Variants in BTRC observed in about 807,000 individuals in gnomAD.
BTRC encodes F-box/WD repeat-containing protein 1A.
Under a neutral mutation model 85.5 loss-of-function variants are expected in BTRC, and 42 were observed. The ratio of observed to expected loss-of-function variants is 0.49; its 90% CI spans 0.38 to 0.64. The LOEUF is 0.64. BTRC is among the 30% of genes least tolerant of loss of function. BTRC has a pLI of 0.00. For missense variants in BTRC, 594 were observed against 743.5 expected, an observed-to-expected ratio of 0.80 and a Z score of 2.34; for synonymous variants, 255 against 263.3, an observed-to-expected ratio of 0.97 and a Z score of 0.30.
intron 2 of BTRC, among the ~76,000 whole-genome samples, chr10:101,455,983 AACACACAC>A (rs745628596): frequency 3.1e-5 from 3 of 95,996 alleles, no homozygotes; most frequent in African/African-American, 1.4e-4. Flanking sequence ...CTCTACTAAA[AACACACAC>A]ACACACACAC....
chr10:101,538,439 G>A, intron 13 of BTRC, 68 bp downstream of exon 13: 1 of 1,378,286 alleles, frequency 7.3e-7, no homozygotes, highest in East Asian at 2.3e-5. Flanking sequence ...TTGATGTGCT[G>A]TGGAATATGG....
At chr10:101,381,196 A>G (rs1037036114) in intron 1 of BTRC, among the ~76,000 whole-genome samples, 3 of 152,154 alleles carry the variant, frequency 2.0e-5, no homozygotes, top group African/African-American at 7.2e-5. Flanking sequence ...TCTAGACACT[A>G]TATATATTAA....
At chr10:101,450,842 C>T (rs1384378773) in intron 2 of BTRC, among the ~76,000 whole-genome samples, 1 of 152,010 alleles carries the variant, frequency 6.6e-6, no homozygotes, top group Admixed American at 6.6e-5. Context: ...CTGTCTGATC[C>T]CTGATAGTGG....
intron 1 of BTRC, among the ~76,000 whole-genome samples, chr10:101,371,995 A>C (rs757695743): frequency 6.6e-6 from 1 of 152,094 alleles, no homozygotes; most frequent in Non-Finnish European, 1.5e-5. Context: ...CAGCTTATTC[A>C]GCACTATTTA....
intron 4 of BTRC, among the ~76,000 whole-genome samples, chr10:101,506,821 G>A (rs1004596135): frequency 2.0e-5 from 3 of 152,136 alleles, no homozygotes; most frequent in Non-Finnish European, 4.4e-5. Flanking sequence ...GTTAAATTAT[G>A]TAGTTAGTGA....
At chr10:101,512,073 C>T (rs1449678165) in intron 4 of BTRC, among the ~76,000 whole-genome samples, 4 of 152,174 alleles carry the variant, frequency 2.6e-5, no homozygotes, top group African/African-American at 9.7e-5. Flanking sequence ...ACTTTGTATG[C>T]CTGTTCACAG....
At chr10:101,363,861 C>T (rs942126191) in intron 1 of BTRC, among the ~76,000 whole-genome samples, 5 of 152,064 alleles carry the variant, frequency 3.3e-5, no homozygotes, top group East Asian at 1.9e-4. Context: ...TTTAAATTAC[C>T]GATGAAGTGC....
At chr10:101,486,695 T>C (rs1945998813) in intron 4 of BTRC, among the ~76,000 whole-genome samples, 1 of 152,174 alleles carries the variant, frequency 6.6e-6, no homozygotes, top group African/African-American at 2.4e-5. Flanking sequence ...TAGCTAACAT[T>C]TTTATAAAAT....
chr10:101,538,884 C>CT (rs2134437742), intron 13 of BTRC, among the ~76,000 whole-genome samples: 1 of 151,956 alleles, frequency 6.6e-6, no homozygotes, highest in African/African-American at 2.4e-5. Context: ...CCCATCTCTG[C>CT]TAAAAATAAA....
At chr10:101,432,776 G>A (rs73348107) in intron 2 of BTRC, among the ~76,000 whole-genome samples, 1 of 152,092 alleles carries the variant, frequency 6.6e-6, no homozygotes, top group Non-Finnish European at 1.5e-5. Context: ...ATCTCGGAAG[G>A]ATCCAATTGT....
Position 101,534,832 on chromosome 10 carries a change from C to T in BTRC, c.1269C>T (p.Val423=), listed in dbSNP as rs148022320. ...PTDITLRRVL[V]GHRAAVNVVD... is the part of the protein sequence containing the mutation. ...ACATTACCCTCCGGAGGGTGCTGGT[C>T]GGACACCGAGCTGCTGTCAATGTTG... The change falls in exon 10 of 15, where the codon GTC becomes GTT. Residue 423 remains valine, a synonymous_variant. Transcript: ENST00000370187. 6.8e-6 allele frequency: 11 copies of T among 1,613,870 alleles called. No homozygotes were observed. Among genetic ancestry groups the T allele is most frequent in the African/African-American group, 2.7e-5 (2 of 74,884 alleles).
chr10:101,457,340 A>G (rs949356822), intron 2 of BTRC, among the ~76,000 whole-genome samples: 9 of 152,136 alleles, frequency 5.9e-5, no homozygotes, highest in African/African-American at 2.2e-4. Flanking sequence ...AGCCATGAAG[A>G]TGTTGGTGGT....
rs1391222551 is a variant in BTRC, at chr10:101,504,675, T to A, written c.325-16964T>A. Among the ~76,000 whole-genome samples, 5 of 151,986 alleles carry A rather than the reference T, an allele frequency of 3.3e-5. No individual in the cohort carries two copies. The East Asian group carries it at 9.7e-4, about 29-fold the overall frequency. ...TCCTTCTGCTTTCCCATTTTCCCCC[T>A]TCCATTTCCCTTTTCTTTCTCTCCT... On this transcript the variant is annotated intron_variant, in intron 4 of 14. Transcript: ENST00000370187.
At chr10:101,361,728 C>T (rs1942212819) in intron 1 of BTRC, among the ~76,000 whole-genome samples, 1 of 152,108 alleles carries the variant, frequency 6.6e-6, no homozygotes, top group Non-Finnish European at 1.5e-5. Flanking sequence ...TGAGATAGAG[C>T]TATAAGACCA....
intron 1 of BTRC, among the ~76,000 whole-genome samples, chr10:101,359,393 G>A (rs1007158466): frequency 2.6e-5 from 4 of 151,938 alleles, no homozygotes; most frequent in African/African-American, 9.7e-5. Flanking sequence ...AGGTGTTGGG[G>A]TATGAAATTA....
At chr10:101,523,029 C>A (rs1361304999) in intron 5 of BTRC, among the ~76,000 whole-genome samples, 1 of 152,028 alleles carries the variant, frequency 6.6e-6, no homozygotes, top group Non-Finnish European at 1.5e-5. Flanking sequence ...CATAGTGAAA[C>A]CCTGTCTCTA....
chr10:101,366,801 T>TATATAAATTTATATATATTA (rs1942399090), intron 1 of BTRC, among the ~76,000 whole-genome samples: 1 of 75,908 alleles, frequency 1.3e-5, no homozygotes, highest in African/African-American at 6.1e-5. Context: ...TTTACATTTA[T>TATATAAATTTATATATATTA]ATATATATTT....
At chr10:101,470,519 G>C (rs1219478096) in intron 3 of BTRC, among the ~76,000 whole-genome samples, 1 of 151,752 alleles carries the variant, frequency 6.6e-6, no homozygotes, top group Admixed American at 6.6e-5. Flanking sequence ...TAGTAGAGAC[G>C]GGGTTTCACC....
intron 2 of BTRC, among the ~76,000 whole-genome samples, chr10:101,448,312 AAAC>A (rs891261815): frequency 3.3e-5 from 5 of 152,096 alleles, no homozygotes; most frequent in Admixed American, 6.6e-5. Context: ...CATTGCTTTA[AAAC>A]AACAACAACA....
Sources: allele counts gnomAD v4.1 joint callset (sites outside exome capture counted in the v4.1 genomes callset), GRCh38; gene constraint gnomAD v4.1.1; transcripts MANE v1.5; gene names NCBI Gene and HGNC (gene_info 2026-07-23, HGNC 2026-07-21).